KANK1: variants seen among roughly 807,000 people sequenced by gnomAD.
KANK1 encodes KN motif and ankyrin repeat domains 1.
KANK1 carries 109 observed loss-of-function variants against 106.2 expected under a neutral mutation model. The ratio of observed to expected loss-of-function variants is 1.03; its 90% CI spans 0.88 to 1.20. The LOEUF is 1.20. Among genes scored for constraint, KANK1 ranks in the 50% most tolerant of loss-of-function variants. The pLI, the probability that KANK1 is intolerant of heterozygous loss-of-function variation, is 0.00. For synonymous variants in KANK1, 873 were observed against 652.2 expected (o/e 1.34, Z -5.16); for missense variants, 2,399 against 1,710.7 (o/e 1.40, Z -7.10).
intron 1 of KANK1, among the ~76,000 whole-genome samples, chr9:587,974 G>C (rs894283151): frequency 6.6e-6 from 1 of 152,106 alleles, no homozygotes; most frequent in African/African-American, 2.4e-5. Context: ...GCTGAGGCAG[G>C]AGAATTGCTT....
intron 1 of KANK1, among the ~76,000 whole-genome samples, chr9:511,268 C>G (rs145529649): frequency 6.6e-6 from 1 of 152,148 alleles, no homozygotes; most frequent in Non-Finnish European, 1.5e-5. Flanking sequence ...GTGCTTGACA[C>G]ATAATACCAT....
chr9:688,877 G>A (rs1819193641), intron 2 of KANK1, among the ~76,000 whole-genome samples: 1 of 152,202 alleles, frequency 6.6e-6, no homozygotes, highest in Non-Finnish European at 1.5e-5. Flanking sequence ...CCGTAGGTAA[G>A]AACCTGAGCT....
intron 1 of KANK1, among the ~76,000 whole-genome samples, chr9:504,994 G>A (rs1372806547): frequency 6.6e-6 from 1 of 151,412 alleles, no homozygotes; most frequent in Non-Finnish European, 1.5e-5. Context: ...TCGGCCCCGC[G>A]GCCGTCGGAG....
intron 1 of KANK1, among the ~76,000 whole-genome samples, chr9:528,309 C>CAAA (rs1328299050): frequency 6.6e-6 from 1 of 151,772 alleles, no homozygotes; most frequent in Non-Finnish European, 1.5e-5. Flanking sequence ...TCCCTCTTTT[C>CAAA]ATTGAATTTG....
At chr9:611,332 T>A (rs960765648) in intron 1 of KANK1, among the ~76,000 whole-genome samples, 1 of 152,220 alleles carries the variant, frequency 6.6e-6, no homozygotes, top group Non-Finnish European at 1.5e-5. Flanking sequence ...CTCTATGCCT[T>A]AATTTCCAAT....
intron 1 of KANK1, chr9:470,381 G>A (rs1183683715): frequency 6.6e-6 from 1 of 152,634 alleles, no homozygotes; most frequent in Non-Finnish European, 1.5e-5. Flanking sequence ...GAGGGTGCGT[G>A]GCCTGAGGGA....
At chr9:606,470 C>T (rs1335723662) in intron 1 of KANK1, among the ~76,000 whole-genome samples, 2 of 147,726 alleles carry the variant, frequency 1.4e-5, no homozygotes, top group East Asian at 3.9e-4. Flanking sequence ...ACAGGAGAAT[C>T]ACTTGAACCC....
chr9:477,665 T>C (rs932451505), intron 3 of KANK1: 1 of 152,118 alleles, frequency 6.6e-6, no homozygotes, highest in African/African-American at 2.4e-5. Context: ...AAGAAAGGAA[T>C]CCCAAAAGAA....
At chr9:732,919 T>G in intron 6 of KANK1, 1 of 214,532 alleles carries the variant, frequency 4.7e-6, no homozygotes, top group African/African-American at 2.3e-5. Context: ...TACCTTATAT[T>G]TAAAGACATT....
At chr9:558,334 G>A (rs549706006) in intron 1 of KANK1, among the ~76,000 whole-genome samples, 3 of 152,306 alleles carry the variant, frequency 2.0e-5, no homozygotes, top group East Asian at 3.9e-4. Context: ...CTATAAAGTC[G>A]CTGTGGACAT....
chr9:556,457 G>A (rs1489470308), intron 1 of KANK1, among the ~76,000 whole-genome samples: 1 of 152,134 alleles, frequency 6.6e-6, no homozygotes, highest in African/African-American at 2.4e-5. Context: ...CATGGAGTTA[G>A]CCATGATCAT....
intron 2 of KANK1, chr9:677,537 C>A (rs935125709): frequency 6.6e-6 from 1 of 152,242 alleles, no homozygotes; most frequent in Non-Finnish European, 1.5e-5. Flanking sequence ...ATATTAGAGA[C>A]TTACATAGTT....
intron 1 of KANK1, among the ~76,000 whole-genome samples, chr9:610,047 A>C (rs572593152): frequency 1.5e-4 from 23 of 152,314 alleles, no homozygotes; most frequent in African/African-American, 4.3e-4. Context: ...ATTAATGTAC[A>C]ATAATTTATA....
intron 2 of KANK1, among the ~76,000 whole-genome samples, chr9:681,506 T>C (rs1817548987): frequency 6.6e-6 from 1 of 152,198 alleles, no homozygotes; most frequent in African/African-American, 2.4e-5. Context: ...TTAGATATGC[T>C]TTAGAAGCCA....
At chr9:517,720 A>C (rs1587434821) in intron 1 of KANK1, among the ~76,000 whole-genome samples, 1 of 146,050 alleles carries the variant, frequency 6.8e-6, no homozygotes, top group South Asian at 2.2e-4. Context: ...AAGAACGAGT[A>C]ATAAGACCTT....
chr9:593,624 G>T (rs1825533047), intron 1 of KANK1, among the ~76,000 whole-genome samples: 1 of 151,692 alleles, frequency 6.6e-6, no homozygotes, highest in Admixed American at 6.6e-5. Flanking sequence ...TAAACACGAA[G>T]ACCTGATTTG....
intron 1 of KANK1, among the ~76,000 whole-genome samples, chr9:619,108 G>A (rs902735792): frequency 1.3e-5 from 2 of 152,272 alleles, no homozygotes; most frequent in South Asian, 2.1e-4. Context: ...CTTTTTAAAT[G>A]CTTACCCAGG....
intron 1 of KANK1, among the ~76,000 whole-genome samples, chr9:614,693 G>A (rs966979048): frequency 6.6e-6 from 1 of 152,178 alleles, no homozygotes; most frequent in African/African-American, 2.4e-5. Context: ...GCCTCCTGGG[G>A]TGGGGCCAGT....
In KANK1 at chr9:487,206, A is replaced by G. The variant is rs571831952; in HGVS notation, c.-362+13933A>G. On this transcript the variant is annotated intron_variant, in intron 3 of 15. Coordinates refer to the KANK1 transcript ENST00000382303. ...TTCCCAACTTACAATGGTTTGGCTT[A>G]TGGTTTTTCAAATTTATGATGGTGT... 4.6e-5 allele frequency among the ~76,000 whole-genome samples: 7 copies of G among 152,330 alleles called. No homozygotes were observed. The South Asian group carries it at 1.0e-3, about 23-fold the overall frequency.
Sources: allele counts gnomAD v4.1 joint callset (sites outside exome capture counted in the v4.1 genomes callset), GRCh38; gene constraint gnomAD v4.1.1; transcripts MANE v1.5; gene names NCBI Gene and HGNC (gene_info 2026-07-23, HGNC 2026-07-21).